The following ZNF248 variants were observed in gnomAD, a reference collection of about 807,000 sequenced individuals.
ZNF248 encodes the protein zinc finger protein 248.
Under a neutral mutation model 44.3 loss-of-function variants are expected in ZNF248, and 20 were observed. That is an observed-to-expected ratio of 0.45 (90% CI 0.32 to 0.66). The LOEUF (loss-of-function observed/expected upper bound fraction) is 0.66. ZNF248 is among the 30% of genes least tolerant of loss of function. The pLI is 0.04. For synonymous variants in ZNF248, 224 were observed against 229.0 expected (o/e 0.98, Z 0.20); for missense variants, 654 against 677.0 (o/e 0.97, Z 0.38).
At chr10:37,824,313 TTTAC>T (rs140790093), downstream of ZNF248, among the ~76,000 whole-genome samples, 363 of 152,322 alleles carry the variant, frequency 2.4e-3, 9 homozygotes, top group East Asian at 0.053. Context: ...TCTCATCTGC[TTTAC>T]TTAGTCTACT....
intron 6 of ZNF248, chr10:37,820,419 G>A (rs1589438381): frequency 6.5e-7 from 1 of 1,541,458 alleles, no homozygotes; most frequent in East Asian, 2.3e-5. Flanking sequence ...AGAGCAGACT[G>A]CTCCTCCGTT....
the ZNF248 span, among the ~76,000 whole-genome samples, chr10:37,761,294 T>C: frequency 2.0e-5 from 3 of 152,138 alleles, no homozygotes; most frequent in Non-Finnish European, 2.9e-5. Context: ...TGAAGGCAGG[T>C]TGGTAACTAT....
chr10:37,774,994 T>A (rs980544626), downstream of ZNF248, among the ~76,000 whole-genome samples: 5 of 151,992 alleles, frequency 3.3e-5, no homozygotes, highest in African/African-American at 9.7e-5. Flanking sequence ...GGTCTCAAAC[T>A]CTTGATCTCA....
intron 3 of ZNF248, among the ~76,000 whole-genome samples, chr10:37,849,433 AG>A (rs1387638566): frequency 6.6e-6 from 1 of 152,228 alleles, no homozygotes; most frequent in East Asian, 1.9e-4. Context: ...TTGTAATCCC[AG>A]CACTTTGGGA....
chr10:37,815,266 T>C (rs917354984), intron 6 of ZNF248, among the ~76,000 whole-genome samples: 4 of 151,566 alleles, frequency 2.6e-5, no homozygotes, highest in Admixed American at 6.6e-5. Context: ...AGTTTCACCA[T>C]GTTGGCCAGG....
chr10:37,824,372 G>A (rs900776651), downstream of ZNF248, among the ~76,000 whole-genome samples: 9 of 152,004 alleles, frequency 5.9e-5, no homozygotes, highest in Non-Finnish European at 1.0e-4. Context: ...CAGATATACC[G>A]AGAAGAATGT....
chr10:37,833,239 G>A (rs866139263), intron 5 of ZNF248, 123 bp from the exon 6 acceptor site: 30 of 1,354,818 alleles, frequency 2.2e-5, no homozygotes, highest in Non-Finnish European at 2.4e-5. Context: ...TTCCTGGTGT[G>A]AACTGAGTTC....
At chr10:37,795,349 A>G (rs1554815405) in intron 6 of ZNF248, 1 of 152,180 alleles carries the variant, frequency 6.6e-6, no homozygotes, top group Non-Finnish European at 1.5e-5. Context: ...GTTTGATATA[A>G]TTTTTTTGAC....
At chr10:37,786,954 C>T (rs1318830847) in intron 6 of ZNF248, among the ~76,000 whole-genome samples, 2 of 152,048 alleles carry the variant, frequency 1.3e-5, no homozygotes, top group Non-Finnish European at 2.9e-5. Flanking sequence ...TGAAAGAGAA[C>T]AAATTTGTAA....
the ZNF248 span, among the ~76,000 whole-genome samples, chr10:37,760,337 C>G: frequency 6.6e-6 from 1 of 152,068 alleles, no homozygotes; most frequent in Non-Finnish European, 1.5e-5. Flanking sequence ...CTCAGGCAAT[C>G]CTCCCACCTC....
At position 37,778,319 on chromosome 10, in the gene ZNF248, C is replaced by T. The variant is rs1352722055; in HGVS notation, c.331-1744G>A. On this transcript the variant is annotated intron_variant, in intron 6 of 6. Transcript: ENST00000615949. ...GAGCATTTTTTCATGTGTTTTTTGG[C>T]TGCATAAATGTCTTCTTTTGAGAAA... Among the ~76,000 whole-genome samples the T allele has an allele frequency of 5.3e-5, 8 of 152,202 alleles. No individual in the cohort carries two copies. The East Asian group carries it at 1.5e-3, about 29-fold the overall frequency.
chr10:37,830,931 T>C lies in ZNF248; in HGVS notation c.*684A>G, dbSNP rs376121608. On this transcript the variant is annotated 3_prime_UTR_variant, in exon 6 of 6. Coordinates refer to ENST00000395867, the MANE Select transcript of ZNF248 (RefSeq NM_021045.3). ...TTAAATAATGACTGCTTTTAATAAC[T>C]GGCTCACAAAATTCCTTAAAATTTA... 34 of 308,606 alleles carry C rather than the reference T, an allele frequency of 1.1e-4. No individual in the cohort carries two copies. The highest frequency in any genetic ancestry group is 6.9e-4 in the African/African-American group (31 of 45,144). 19.1% of individuals were successfully genotyped at this position (308,606 alleles called of 1,614,324 possible).
At chr10:37,767,701 G>A in the ZNF248 span, among the ~76,000 whole-genome samples, 1 of 152,138 alleles carries the variant, frequency 6.6e-6, no homozygotes, top group Admixed American at 6.5e-5. Flanking sequence ...TCAAGGCTAG[G>A]AAGAAACTGC....
intron 5 of ZNF248, among the ~76,000 whole-genome samples, chr10:37,834,766 T>C (rs955709160): frequency 6.6e-6 from 1 of 152,156 alleles, no homozygotes; most frequent in Admixed American, 6.5e-5. Flanking sequence ...CTAAACACTT[T>C]ACAAACACAG....
chr10:37,768,652 G>A, the ZNF248 span, among the ~76,000 whole-genome samples: 1 of 152,120 alleles, frequency 6.6e-6, no homozygotes, highest in African/African-American at 2.4e-5. Flanking sequence ...AGCACTAAAT[G>A]CCGACAAGAG....
chr10:37,762,656 C>G, the ZNF248 span, among the ~76,000 whole-genome samples: 51 of 152,264 alleles, frequency 3.3e-4, no homozygotes, highest in Middle Eastern at 0.01. Context: ...TTGGCCAACT[C>G]CTGTACTATA....
At chr10:37,842,689 A>G (rs773536285) in intron 3 of ZNF248, among the ~76,000 whole-genome samples, 4 of 152,192 alleles carry the variant, frequency 2.6e-5, no homozygotes, top group African/African-American at 7.2e-5. Context: ...TCCTTGCTCA[A>G]AAACACTGTA....
intron 6 of ZNF248, among the ~76,000 whole-genome samples, chr10:37,791,059 T>TTTTTTTTC (rs2048487599): frequency 8.1e-6 from 1 of 123,464 alleles, no homozygotes; most frequent in Non-Finnish European, 1.7e-5. Context: ...TTTTTTTTTT[T>TTTTTTTTC]TTTTTTTTTT....
chr10:37,856,247 C>A, intron 3 of ZNF248, 49 bp downstream of exon 3: 6 of 1,594,968 alleles, frequency 3.8e-6, no homozygotes, highest in Non-Finnish European at 5.1e-6. Context: ...TTATAAACTT[C>A]AGAAATCCAT....
Sources: allele counts gnomAD v4.1 joint callset (sites outside exome capture counted in the v4.1 genomes callset), GRCh38; gene constraint gnomAD v4.1.1; transcripts MANE v1.5; gene names NCBI Gene and HGNC (gene_info 2026-07-23, HGNC 2026-07-21).